RBFOX1: variants seen among roughly 807,000 people sequenced by gnomAD.
The protein encoded by RBFOX1 is RNA binding protein fox-1 homolog 1.
RBFOX1 carries 8 observed loss-of-function variants against 57.7 expected under a neutral mutation model. That is an observed-to-expected ratio of 0.14 (90% CI 0.08 to 0.25). RBFOX1 has a LOEUF of 0.25. Among genes scored for constraint, RBFOX1 ranks in the 10% least tolerant of loss-of-function variants. The probability of loss-of-function intolerance (pLI) is 1.00; values close to 1 mark genes in which losing one functional copy is unlikely to be tolerated. For synonymous variants in RBFOX1, 326 were observed against 222.4 expected (o/e 1.47, Z -4.15); for missense variants, 611 against 548.5 (o/e 1.11, Z -1.14).
chr16:7,462,725 C>G (rs547091763), intron 4 of RBFOX1, among the ~76,000 whole-genome samples: 2 of 152,308 alleles, frequency 1.3e-5, no homozygotes, highest in East Asian at 1.9e-4. Flanking sequence ...CTGAGGCCCT[C>G]AAAGCTTTGC....
chr16:7,522,318 G>C (rs1271172150), intron 5 of RBFOX1, among the ~76,000 whole-genome samples: 1 of 152,150 alleles, frequency 6.6e-6, no homozygotes, highest in African/African-American at 2.4e-5. Flanking sequence ...TCACGGGGTG[G>C]GGTTTGAAGG....
Position 6,717,998 on chromosome 16 carries a change from T to TACC in RBFOX1, c.-16+63358_-16+63360dup, listed in dbSNP as rs199878854. Reference sequence around the variant, plus strand: ...GCCTTCTCTCCCCTGCACCATTTTCTACCACCACCACCGTCATCACCACCA... The same window carrying TACC: ...GCCTTCTCTCCCCTGCACCATTTTCTACCACCACCACCACCGTCATCACCACCA... On this transcript the variant is annotated intron_variant, in intron 3 of 15. Coordinates refer to ENST00000550418, the MANE Select transcript of RBFOX1 (RefSeq NM_018723.4). Among the ~76,000 whole-genome samples the TACC allele has an allele frequency of 3.0e-3, 456 of 152,296 alleles. 2 individuals carry two copies. In the East Asian group the frequency reaches 0.046, roughly 16 times the overall value.
intron 4 of RBFOX1, among the ~76,000 whole-genome samples, chr16:7,405,527 TCTTC>T (rs2098326134): frequency 6.6e-6 from 1 of 152,200 alleles, no homozygotes; most frequent in East Asian, 1.9e-4. Flanking sequence ...GGAGCAACCC[TCTTC>T]CTTGCACGTT....
chr16:7,349,752 C>T (rs972948191), intron 4 of RBFOX1, among the ~76,000 whole-genome samples: 6 of 151,994 alleles, frequency 3.9e-5, no homozygotes, highest in African/African-American at 1.5e-4. Flanking sequence ...CAATACAGTT[C>T]CAGGTGTGAG....
At chr16:6,200,287 CCTTT>C (rs1368643911) in intron 1 of RBFOX1, among the ~76,000 whole-genome samples, 1 of 152,132 alleles carries the variant, frequency 6.6e-6, no homozygotes, top group East Asian at 1.9e-4. Context: ...TCTCTGCATC[CCTTT>C]CCTCAAGCCT....
intron 2 of RBFOX1, among the ~76,000 whole-genome samples, chr16:6,321,383 G>T (rs2081770708): frequency 6.6e-6 from 1 of 152,144 alleles, no homozygotes; most frequent in South Asian, 2.1e-4. Context: ...ATACTTAGCT[G>T]TTATAGATCA....
At chr16:5,570,078 A>G (rs1247926208) in intron 2 of RBFOX1, among the ~76,000 whole-genome samples, 1 of 152,228 alleles carries the variant, frequency 6.6e-6, no homozygotes, top group East Asian at 1.9e-4. Flanking sequence ...AAACATGGAA[A>G]TACACACAGT....
At chr16:5,463,928 C>A (rs925539081) in intron 1 of RBFOX1, among the ~76,000 whole-genome samples, 4 of 152,160 alleles carry the variant, frequency 2.6e-5, no homozygotes, top group African/African-American at 9.7e-5. Flanking sequence ...TTGTGTTCAG[C>A]AGAACAAAGA....
At chr16:7,244,510 T>C (rs2152987318) in intron 4 of RBFOX1, among the ~76,000 whole-genome samples, 1 of 152,298 alleles carries the variant, frequency 6.6e-6, no homozygotes, top group African/African-American at 2.4e-5. Flanking sequence ...AGATTGTATT[T>C]TTGGCATGCT....
At chr16:7,592,172 A>T (rs934007359) in intron 7 of RBFOX1, among the ~76,000 whole-genome samples, 2 of 152,212 alleles carry the variant, frequency 1.3e-5, no homozygotes, top group African/African-American at 4.8e-5. Context: ...TAAATGAGGA[A>T]TACCAAGTAG....
intron 5 of RBFOX1, among the ~76,000 whole-genome samples, chr16:7,575,549 G>A (rs2093253660): frequency 6.6e-6 from 1 of 152,106 alleles, no homozygotes; most frequent in South Asian, 2.1e-4. Context: ...CCAAGCCAAG[G>A]AACACCTGCA....
intron 3 of RBFOX1, among the ~76,000 whole-genome samples, chr16:6,657,801 TG>T (rs1344690144): frequency 3.3e-5 from 5 of 152,164 alleles, no homozygotes; most frequent in African/African-American, 1.2e-4. Flanking sequence ...GAAAGAGAAC[TG>T]GTGGTGCTTT....
At chr16:7,331,789 C>T (rs2096700678) in intron 4 of RBFOX1, among the ~76,000 whole-genome samples, 1 of 152,002 alleles carries the variant, frequency 6.6e-6, no homozygotes, top group Non-Finnish European at 1.5e-5. Flanking sequence ...CAGTATAATT[C>T]CAATTATATT....
At chr16:6,176,684 C>G (rs889153850) in intron 1 of RBFOX1, among the ~76,000 whole-genome samples, 2 of 128,186 alleles carry the variant, frequency 1.6e-5, no homozygotes, top group Non-Finnish European at 3.3e-5. Flanking sequence ...AACAACCATT[C>G]TTAGGTCATT....
intron 10 of RBFOX1, among the ~76,000 whole-genome samples, chr16:7,613,895 G>A (rs190491283): frequency 2.0e-5 from 3 of 152,288 alleles, no homozygotes; most frequent in Admixed American, 2.0e-4. Context: ...ACACAAGTTT[G>A]CTCTATTTTA....
At chr16:7,185,884 A>T (rs1318636121) in intron 4 of RBFOX1, among the ~76,000 whole-genome samples, 1 of 152,144 alleles carries the variant, frequency 6.6e-6, no homozygotes, top group Non-Finnish European at 1.5e-5. Context: ...CAACAAACCC[A>T]ACCCATTCTT....
At chr16:6,028,327 A>G (rs1179530329) in intron 1 of RBFOX1, among the ~76,000 whole-genome samples, 1 of 152,018 alleles carries the variant, frequency 6.6e-6, no homozygotes, top group African/African-American at 2.4e-5. Flanking sequence ...GGTTAGAGAA[A>G]GTGCAGTAGT....
At chr16:6,869,589 TAGAGAA>T (rs1214474455) in intron 3 of RBFOX1, among the ~76,000 whole-genome samples, 1 of 151,972 alleles carries the variant, frequency 6.6e-6, no homozygotes, top group South Asian at 2.1e-4. Flanking sequence ...TAGGATGAAA[TAGAGAA>T]AGAAAGAACA....
chr16:6,672,521 AAAAAG>A (rs1421561370), intron 3 of RBFOX1, among the ~76,000 whole-genome samples: 5 of 151,856 alleles, frequency 3.3e-5, no homozygotes, highest in Admixed American at 1.3e-4. Context: ...AGATGGGAGA[AAAAAG>A]AAAAGAAAGA....
Sources: allele counts gnomAD v4.1 joint callset (sites outside exome capture counted in the v4.1 genomes callset), GRCh38; gene constraint gnomAD v4.1.1; transcripts MANE v1.5; gene names NCBI Gene and HGNC (gene_info 2026-07-23, HGNC 2026-07-21).